Variants in PDZD8 observed in about 807,000 individuals in gnomAD.
The protein encoded by PDZD8 is PDZ domain containing 8.
PDZD8 carries 14 observed loss-of-function variants against 85.8 expected under a neutral mutation model. The observed-to-expected ratio is 0.16, with a 90% CI of 0.11 to 0.26. The LOEUF (loss-of-function observed/expected upper bound fraction) is 0.26, where lower values mean the gene tolerates loss of function less well. Among genes scored for constraint, PDZD8 ranks in the 10% least tolerant of loss-of-function variants. PDZD8 has a pLI of 1.00. For missense variants in PDZD8, 1,197 were observed against 1,424.3 expected (o/e 0.84, Z 2.57); for synonymous variants, 592 against 568.6 (o/e 1.04, Z -0.59).
At chr10:117,369,831 A>C (rs1205887963) in intron 1 of PDZD8, among the ~76,000 whole-genome samples, 2 of 152,194 alleles carry the variant, frequency 1.3e-5, no homozygotes, top group Non-Finnish European at 2.9e-5. Context: ...AGAAGCCACA[A>C]ATCCAAAACA....
chr10:117,285,674 G>T, intron 4 of PDZD8: 1 of 1,190,696 alleles, frequency 8.4e-7, no homozygotes, highest in Non-Finnish European at 1.1e-6. Context: ...TGAATGTGCT[G>T]ATATCCTGGA....
chr10:117,298,966 T>C (rs1202999515), intron 3 of PDZD8, among the ~76,000 whole-genome samples: 2 of 152,082 alleles, frequency 1.3e-5, no homozygotes, highest in African/African-American at 4.8e-5. Flanking sequence ...CAATGAGGCA[T>C]ATAATGAGGC....
chr10:117,311,587 CTG>C (rs1844037696), intron 3 of PDZD8, among the ~76,000 whole-genome samples: 1 of 152,076 alleles, frequency 6.6e-6, no homozygotes, highest in Non-Finnish European at 1.5e-5. Context: ...GAAATCCCAA[CTG>C]TGATAAGCAT....
At chr10:117,320,021 C>T (rs1189938270) in intron 2 of PDZD8, among the ~76,000 whole-genome samples, 5 of 152,080 alleles carry the variant, frequency 3.3e-5, no homozygotes, top group African/African-American at 9.7e-5. Flanking sequence ...ACAAACTAGA[C>T]TCACAAACAG....
chr10:117,288,539 G>A (rs200351185), intron 4 of PDZD8, among the ~76,000 whole-genome samples: 5 of 151,856 alleles, frequency 3.3e-5, no homozygotes, highest in South Asian at 4.2e-4. Context: ...ATGGAGTTTC[G>A]CTCTTGTTGC....
rs142780312 is a variant in PDZD8, at chr10:117,284,591, T to G, written c.2142A>C (p.Ala714=). 6 of 1,614,054 alleles carry G rather than the reference T, an allele frequency of 3.7e-6. No individual in the cohort carries two copies. In the African/African-American group the frequency reaches 8.0e-5, roughly 22 times the overall value. ...IEACHRYLNI[A]LWCRDPFKLG... ...ACTTGAAAGGATCCCTGCACCACAA[T>G]GCAATGTTTAAGTACCTGTGACAGG... The change falls in exon 5 of 5, where the codon GCA becomes GCC. Residue 714 remains alanine, a synonymous_variant. Coordinates refer to ENST00000334464, the MANE Select transcript of PDZD8 (RefSeq NM_173791.5).
Position 117,284,837 on chromosome 10 carries a change from A to C in PDZD8, c.1896T>G (p.Ala632=). 1 of 1,614,158 alleles carries C rather than the reference A, an allele frequency of 6.2e-7. No homozygotes were observed. The highest frequency in any genetic ancestry group is 8.5e-7 in the Non-Finnish European group (1 of 1,180,032). The change falls in exon 5 of 5, where the codon GCT becomes GCG. Residue 632 remains alanine, a synonymous_variant. Transcript: ENST00000334464. ...VVPPPLVDKS[A]EKQAKNVDAI... ...CATCCACATTTTTTGCTTGCTTTTC[A>C]GCAGATTTATCTACAAGAGGAGGTG...
intron 3 of PDZD8, among the ~76,000 whole-genome samples, chr10:117,305,046 A>G (rs2490630): frequency 0.99 from 150,336 of 152,256 alleles, 74,258 homozygotes; most frequent in Middle Eastern, 1. Flanking sequence ...GACAAATACC[A>G]TATTTTTCAT....
At chr10:117,341,199 A>T (rs1277125740) in intron 1 of PDZD8, 97 bp from the exon 2 acceptor site, 1 of 1,287,200 alleles carries the variant, frequency 7.8e-7, no homozygotes, top group Admixed American at 2.0e-5. Flanking sequence ...AAGCAAAATG[A>T]ACACCTAATA....
intron 1 of PDZD8, among the ~76,000 whole-genome samples, chr10:117,371,235 A>T (rs1397711717): frequency 6.6e-6 from 1 of 152,128 alleles, no homozygotes; most frequent in East Asian, 1.9e-4. Context: ...CCCAGGCTGG[A>T]GTGCAGTGGT....
At chr10:117,358,318 T>C (rs1013198061) in intron 1 of PDZD8, among the ~76,000 whole-genome samples, 2 of 152,118 alleles carry the variant, frequency 1.3e-5, no homozygotes, top group African/African-American at 2.4e-5. Flanking sequence ...TATAAAAGTA[T>C]AGTATTGTCC....
In PDZD8 at chr10:117,374,382, C is replaced by G; in HGVS notation, c.846G>C (p.Lys282Asn). The G allele has an allele frequency of 1.9e-6, 3 of 1,614,180 alleles. No homozygotes were observed. The highest frequency in any genetic ancestry group is 2.5e-6 in the Non-Finnish European group (3 of 1,180,012). Reference protein sequence around the residue: ...VNQLKKIIKRKHTLPNYKIRF... With the variant: ...VNQLKKIIKRNHTLPNYKIRF... ...TGATCTTGTAATTCGGTAGGGTGTG[C>G]TTGCGCTTGATGATCTTCTTGAGCT... The change falls in exon 1 of 5, where the codon AAG becomes AAC. Residue 282 changes from lysine to asparagine, a missense_variant. Physicochemically the swap from Lys to Asn is moderately conservative, Grantham distance 94. Around this residue, in one of 4 missense-constraint regions of PDZD8, gnomAD observed 344 missense variants for 453.6 expected, o/e 0.76. Transcript: ENST00000334464. The surrounding 1 kb of genome is among the most constrained non-coding windows in gnomAD (Gnocchi z 7.8).
intron 3 of PDZD8, among the ~76,000 whole-genome samples, chr10:117,305,515 C>CAT (rs1564693560): frequency 1.3e-3 from 182 of 136,000 alleles, no homozygotes; most frequent in South Asian, 4.5e-3. Flanking sequence ...CACACACACA[C>CAT]ATATATGGAG....
chr10:117,371,329 C>T (rs923363160), intron 1 of PDZD8, among the ~76,000 whole-genome samples: 1 of 152,090 alleles, frequency 6.6e-6, no homozygotes, highest in African/African-American at 2.4e-5. Context: ...GGATTACAGG[C>T]GCCCGCCACC....
intron 1 of PDZD8, 131 bp from the exon 2 acceptor site, chr10:117,341,233 A>T: frequency 1.1e-6 from 1 of 910,182 alleles, no homozygotes. Flanking sequence ...ACAAAACCAA[A>T]GCTTACCACA....
Position 117,283,053 on chromosome 10 carries a change from C to A in PDZD8, c.*215G>T. On this transcript the variant is annotated 3_prime_UTR_variant, in exon 5 of 5. Transcript: ENST00000334464. ...TAAAAATAAATTCCCAGTATAAACCCAAAAAAGCATAGCTATAAATGCAAT... is the reference window on the plus strand; with the variant it reads ...TAAAAATAAATTCCCAGTATAAACCAAAAAAAGCATAGCTATAAATGCAAT... The A allele has an allele frequency of 2.1e-6, 1 of 467,364 alleles. No individual in the cohort carries two copies. Among genetic ancestry groups the A allele is most frequent in the South Asian group, 5.3e-5 (1 of 18,842 alleles). 29.0% of individuals were successfully genotyped at this position (467,364 alleles called of 1,614,324 possible). A position where few individuals can be genotyped will look rare whatever the true frequency, so the allele number is the denominator to read the frequency against.
chr10:117,314,501 A>G (rs1844090601), intron 3 of PDZD8, among the ~76,000 whole-genome samples: 1 of 152,182 alleles, frequency 6.6e-6, no homozygotes, highest in African/African-American at 2.4e-5. Context: ...GAACTCCAAT[A>G]TATCACTTAC....
At position 117,281,161 on chromosome 10, in the gene PDZD8, G is replaced by A. The variant is rs1844570701; in HGVS notation, c.*2107C>T. 1 of 152,170 alleles carries A rather than the reference G, an allele frequency of 6.6e-6. No individual in the cohort carries two copies. Among genetic ancestry groups the A allele is most frequent in the East Asian group, 1.9e-4 (1 of 5,164 alleles). The allele number at this position is 152,170 out of a possible 1,614,324, so 9.4% of individuals were successfully genotyped here. Reference sequence around the variant, plus strand: ...AGGCAGGTGGATCACGAGGTCAGGAGATCGAGACCATCCTGGCTAACATGG... The same window carrying A: ...AGGCAGGTGGATCACGAGGTCAGGAAATCGAGACCATCCTGGCTAACATGG... On this transcript the variant is annotated 3_prime_UTR_variant, in exon 5 of 5. Transcript: ENST00000334464.
At chr10:117,338,163 CGTT>C (rs1376913025) in intron 2 of PDZD8, among the ~76,000 whole-genome samples, 2 of 152,074 alleles carry the variant, frequency 1.3e-5, no homozygotes, top group Admixed American at 6.5e-5. Context: ...AAAACAGTAA[CGTT>C]AAGTTTTTAA....
Sources: allele counts gnomAD v4.1 joint callset (sites outside exome capture counted in the v4.1 genomes callset), GRCh38; gene constraint gnomAD v4.1.1; regional missense constraint gnomAD v4.1.1; non-coding constraint Gnocchi (gnomAD v3.1); transcripts MANE v1.5; gene names NCBI Gene and HGNC (gene_info 2026-07-23, HGNC 2026-07-21).